Variants in GRIN2A observed in about 807,000 individuals in gnomAD.
The protein encoded by GRIN2A is glutamate receptor ionotropic, NMDA 2A.
A neutral mutation model predicts 113.4 loss-of-function variants in GRIN2A; 22 were observed. That is an observed-to-expected ratio of 0.19 (90% CI 0.14 to 0.28). The LOEUF (loss-of-function observed/expected upper bound fraction) is 0.28, where lower values mean the gene tolerates loss of function less well. GRIN2A is among the 10% of genes least tolerant of loss of function. GRIN2A has a pLI of 1.00. For synonymous variants in GRIN2A, 827 were observed against 738.4 expected (o/e 1.12, Z -1.94); for missense variants, 1,502 against 1,887.0 (o/e 0.80, Z 3.78).
At chr16:10,079,028 C>G (rs1567283119) in intron 2 of GRIN2A, among the ~76,000 whole-genome samples, 4 of 152,206 alleles carry the variant, frequency 2.6e-5, no homozygotes, top group African/African-American at 9.6e-5. Flanking sequence ...AACAGCCATG[C>G]AACAACACCT....
At chr16:9,872,396 C>T (rs2043281852) in intron 4 of GRIN2A, among the ~76,000 whole-genome samples, 1 of 152,304 alleles carries the variant, frequency 6.6e-6, no homozygotes, top group African/African-American at 2.4e-5. Context: ...AGACTAGTCA[C>T]TTCATCTCTT....
At chr16:10,004,907 C>A (rs1387311548) in intron 2 of GRIN2A, among the ~76,000 whole-genome samples, 1 of 152,048 alleles carries the variant, frequency 6.6e-6, no homozygotes, top group African/African-American at 2.4e-5. Flanking sequence ...CTTTATTCAG[C>A]CTACTACACG....
At chr16:10,060,260 A>G (rs1420612051) in intron 2 of GRIN2A, among the ~76,000 whole-genome samples, 2 of 152,210 alleles carry the variant, frequency 1.3e-5, no homozygotes, top group African/African-American at 4.8e-5. Context: ...AATCCTCTAT[A>G]CTAGAAAGAG....
chr16:9,952,551 G>GAAC (rs1279369446), intron 2 of GRIN2A, among the ~76,000 whole-genome samples: 1 of 152,172 alleles, frequency 6.6e-6, no homozygotes, highest in African/African-American at 2.4e-5. Context: ...CTCACAATGA[G>GAAC]AAATACCTTT....
intron 2 of GRIN2A, among the ~76,000 whole-genome samples, chr16:9,939,975 T>A (rs2044823834): frequency 6.6e-6 from 1 of 151,584 alleles, no homozygotes; most frequent in Non-Finnish European, 1.5e-5. Context: ...TTACCATGAG[T>A]ATTGAACACA....
At chr16:9,818,497 A>G (rs1310667750) in intron 10 of GRIN2A, among the ~76,000 whole-genome samples, 1 of 152,174 alleles carries the variant, frequency 6.6e-6, no homozygotes, top group Non-Finnish European at 1.5e-5. Flanking sequence ...GCATGGAAAA[A>G]AAAAAGCAAG....
intron 4 of GRIN2A, among the ~76,000 whole-genome samples, chr16:9,870,357 T>C (rs1156294527): frequency 1.3e-5 from 2 of 152,040 alleles, no homozygotes; most frequent in South Asian, 2.1e-4. Flanking sequence ...AGAAGCTGTA[T>C]TGGGGAAAAA....
chr16:10,173,999 A>G (rs1196373863), intron 2 of GRIN2A, among the ~76,000 whole-genome samples: 1 of 152,256 alleles, frequency 6.6e-6, no homozygotes, highest in African/African-American at 2.4e-5. Context: ...AGAGAATCAC[A>G]GATCAAAAAT....
intron 2 of GRIN2A, among the ~76,000 whole-genome samples, chr16:10,056,955 C>T (rs889531568): frequency 6.6e-6 from 1 of 152,062 alleles, no homozygotes; most frequent in Non-Finnish European, 1.5e-5. Context: ...CTACCAACTA[C>T]TCCATCTCTC....
chr16:9,868,963 C>T (rs2043209558), intron 4 of GRIN2A, among the ~76,000 whole-genome samples: 1 of 152,162 alleles, frequency 6.6e-6, no homozygotes. Flanking sequence ...AGCCTCTAAT[C>T]CCATAAAACT....
rs746129322 is a variant in GRIN2A, at chr16:9,829,648, G to GAA, written c.1781_1782insTT (p.His595SerfsTer60). 1.2e-6 allele frequency: 2 copies of GAA among 1,609,062 alleles called. No individual in the cohort carries two copies. The highest frequency in any genetic ancestry group is 2.7e-5 in the African/African-American group (2 of 74,892). On this transcript the variant is annotated frameshift_variant, in exon 9 of 13. Transcript: ENST00000330684. LOFTEE classifies it high-confidence loss of function. Reference sequence around the variant, plus strand: ...TTCCAATTGTAAAAGAAGGCCCATGGGGTGCTGCAGAAGATGAAAAGGACA... The same window carrying GAA: ...TTCCAATTGTAAAAGAAGGCCCATGGAAGGTGCTGCAGAAGATGAAAAGGACA...
intron 4 of GRIN2A, among the ~76,000 whole-genome samples, chr16:9,890,535 C>T (rs898415073): frequency 2.0e-5 from 3 of 152,134 alleles, no homozygotes; most frequent in African/African-American, 7.2e-5. Context: ...AGAAGTGATA[C>T]ATTTAAGTTT....
At chr16:10,055,087 AAAAAAGAAAGAAAGAAAGAAAAAAG>A (rs1567266446) in intron 2 of GRIN2A, among the ~76,000 whole-genome samples, 9 of 64,318 alleles carry the variant, frequency 1.4e-4, no homozygotes, top group Non-Finnish European at 1.7e-4. Context: ...AAAAAAAAAG[AAAAAAGAAAGAAAGAAAGAAAAAAG>A]AAAAAAAAAA....
intron 2 of GRIN2A, among the ~76,000 whole-genome samples, chr16:9,938,951 C>G (rs2044788355): frequency 6.6e-6 from 1 of 152,070 alleles, no homozygotes; most frequent in Non-Finnish European, 1.5e-5. Context: ...AGTTTTCTAA[C>G]GATATATTTG....
At chr16:9,972,923 G>T (rs1030325208) in intron 2 of GRIN2A, among the ~76,000 whole-genome samples, 10 of 152,186 alleles carry the variant, frequency 6.6e-5, no homozygotes, top group African/African-American at 2.4e-4. Flanking sequence ...AGGGATCAGA[G>T]TTTTTAAGGA....
intron 7 of GRIN2A, among the ~76,000 whole-genome samples, chr16:9,837,726 G>C (rs1036988725): frequency 6.6e-6 from 1 of 152,158 alleles, no homozygotes; most frequent in African/African-American, 2.4e-5. Context: ...GAATTATTAA[G>C]ATTCTGCATG....
intron 2 of GRIN2A, among the ~76,000 whole-genome samples, chr16:10,014,801 C>G (rs11866385): frequency 0.31 from 46,676 of 151,932 alleles, 8,190 homozygotes; most frequent in Non-Finnish European, 0.39. Context: ...AACAAAGAGA[C>G]TTATGCAGTG....
chr16:10,087,814 G>A (rs1481304323), intron 2 of GRIN2A, among the ~76,000 whole-genome samples: 1 of 150,616 alleles, frequency 6.6e-6, no homozygotes, highest in Non-Finnish European at 1.5e-5. Context: ...AGCTTTCCAA[G>A]TAGCTGGGAC....
At chr16:10,030,031 T>C (rs2046899864) in intron 2 of GRIN2A, among the ~76,000 whole-genome samples, 1 of 151,904 alleles carries the variant, frequency 6.6e-6, no homozygotes, top group Non-Finnish European at 1.5e-5. Flanking sequence ...AGTATATATA[T>C]ACAAAAAGAA....
Sources: gnomAD v4.1 joint callset for allele counts (sites outside exome capture counted in the v4.1 genomes callset) on GRCh38, gnomAD v4.1.1 for gene constraint, MANE v1.5 for transcripts, NCBI Gene and HGNC (gene_info 2026-07-23, HGNC 2026-07-21) for gene names.